LPIN3: variants seen among roughly 807,000 people sequenced by gnomAD.
LPIN3 encodes phosphatidate phosphatase LPIN3.
In LPIN3, 82 loss-of-function variants were observed where a neutral mutation model predicts 94.7. That is an observed-to-expected ratio of 0.87 (90% confidence interval 0.72 to 1.04). LPIN3 has a LOEUF of 1.04. LPIN3 is among the 50% of genes least tolerant of loss of function. The pLI, the probability that LPIN3 is intolerant of heterozygous loss-of-function variation, is 0.00. For synonymous variants in LPIN3, 418 were observed against 443.3 expected (o/e 0.94, Z 0.72); for missense variants, 996 against 1,090.5 (o/e 0.91, Z 1.22).
rs772156617 is a variant in LPIN3, at chr20:41,350,384, CT to C, written c.1090del (p.Ser364ProfsTer56). The C allele has an allele frequency of 6.4e-7, 1 of 1,568,870 alleles. No homozygotes were observed. The highest frequency in any genetic ancestry group is 8.7e-7 in the Non-Finnish European group (1 of 1,152,476). Reference sequence around the variant, plus strand: ...TTCCCACCGGGCAGCCAGAGAGGGTCTCCAGGGGGAAAGGTGAGTGACGCTG... The same window carrying C: ...TTCCCACCGGGCAGCCAGAGAGGGTCCCAGGGGGAAAGGTGAGTGACGCTG... ...PVPTGQPERV[S>X]RGKGSPKRSQ... is the part of the protein sequence containing the mutation. On this transcript the variant is annotated frameshift_variant, in exon 7 of 20. Coordinates refer to ENST00000373257, the MANE Select transcript of LPIN3 (RefSeq NM_022896.3). LOFTEE classifies it high-confidence loss of function.
rs377246516 is a variant in LPIN3, at chr20:41,347,558, A to G, written c.199A>G (p.Ile67Val). The G allele has an allele frequency of 3.8e-5, 62 of 1,613,822 alleles. No individual in the cohort carries two copies. The highest frequency in any genetic ancestry group is 5.1e-5 in the Non-Finnish European group (60 of 1,179,822). The change falls in exon 3 of 20, where the codon ATT (isoleucine) becomes GTT (valine). Residue 67 changes from isoleucine (I) to valine (V), a missense_variant. Ile to Val is a conservative substitution (Grantham distance 29, BLOSUM62 3). Transcript: ENST00000373257. ...VLRSREKVVD[I>V]ELNGEPVDLH... Reference sequence around the variant, plus strand: ...CACCGCTTTCCATTTGCAGGTAGACATTGAGCTCAATGGGGAGCCTGTGGA... The same window carrying G: ...CACCGCTTTCCATTTGCAGGTAGACGTTGAGCTCAATGGGGAGCCTGTGGA...
Position 41,358,746 on chromosome 20 carries a change from C to G in LPIN3, c.2436C>G (p.Val812=). 1 of 1,613,964 alleles carries G rather than the reference C, an allele frequency of 6.2e-7. No homozygotes were observed. Among genetic ancestry groups the G allele is most frequent in the South Asian group, 1.1e-5 (1 of 91,032 alleles). ...GGTATGAGCGGCTTGGTGAAGTGGT[C>G]GAGCTCCTCTTCCCACCTGTGGCCC... ...KSTYERLGEV[V]ELLFPPVARG... Residue 812 remains valine, a synonymous_variant, in exon 20 of 20, where the codon GTC becomes GTG. Coordinates refer to ENST00000373257, the MANE Select transcript of LPIN3 (RefSeq NM_022896.3).
Position 41,358,957 on chromosome 20 carries a change from G to A in LPIN3, c.*91G>A. 1 of 1,494,562 alleles carries A rather than the reference G, an allele frequency of 6.7e-7. No homozygotes were observed. The highest frequency in any genetic ancestry group is 9.0e-7 in the Non-Finnish European group (1 of 1,107,254). 92.6% of individuals were successfully genotyped at this position (1,494,562 alleles called of 1,614,324 possible). A position where few individuals can be genotyped will look rare whatever the true frequency, so the allele number is the denominator to read the frequency against. On this transcript the variant is annotated 3_prime_UTR_variant, in exon 20 of 20. Coordinates refer to ENST00000373257, the MANE Select transcript of LPIN3 (RefSeq NM_022896.3). ...GAGGGTGGGAATTGGAGTGTCATGG[G>A]GCAAACCCACTGAAGGGGAAGGAGG...
intron 9 of LPIN3, among the ~76,000 whole-genome samples, 192 bp from the exon 10 acceptor site, chr20:41,352,414 C>T (rs182096171): frequency 7.9e-5 from 12 of 152,214 alleles, no homozygotes; most frequent in East Asian, 1.9e-4. Context: ...AAATGCTTGA[C>T]GCTAAGTTGT....
At chr20:41,358,154 C>T (rs1436966518) in intron 17 of LPIN3, 83 bp from the exon 18 acceptor site, 3 of 1,570,482 alleles carry the variant, frequency 1.9e-6, no homozygotes, top group East Asian at 4.5e-5. Flanking sequence ...TGGGGTCAGA[C>T]CCCCCATCAC....
At position 41,351,916 on chromosome 20, in the gene LPIN3, C is replaced by A; in HGVS notation, c.1198C>A (p.Gln400Lys). The change falls in exon 8 of 20, where the codon CAA (glutamine) becomes AAA (lysine). Residue 400 changes from glutamine (Q) to lysine (K), a missense_variant. Transcript: ENST00000373257. The stretch of plus-strand genomic sequence containing the variant: ...TGAGAATGCAGCGCTTTACTTCCCC[C>A]AAAGGTGCCTGGGTTCTGGATGCCA... ...DSENAALYFP[Q>K]SDSGLGARRW... is the part of the protein sequence containing the mutation. The A allele has an allele frequency of 1.2e-6, 2 of 1,614,226 alleles. No homozygotes were observed.
At chr20:41,351,944 G>C (rs778389777) in intron 8 of LPIN3, 24 bp downstream of exon 8, 3 of 1,613,820 alleles carry the variant, frequency 1.9e-6, no homozygotes, top group Non-Finnish European at 1.7e-6. Context: ...GGATGCCAGG[G>C]TGTCTTGGGT....
intron 6 of LPIN3, 75 bp from the exon 7 acceptor site, chr20:41,349,980 G>A (rs771243761): frequency 4.4e-5 from 68 of 1,559,808 alleles, no homozygotes; most frequent in Non-Finnish European, 5.8e-5. Context: ...CTGAAACTCG[G>A]GCCACTGCCC....
chr20:41,350,567 G>A (rs2045971897), intron 7 of LPIN3, among the ~76,000 whole-genome samples, 170 bp downstream of exon 7: 1 of 152,202 alleles, frequency 6.6e-6, no homozygotes, highest in African/African-American at 2.4e-5. Context: ...TGCATGTGTG[G>A]AAGGGCGTGC....
rs758478082 is a variant in LPIN3, at chr20:41,354,853, G to A, written c.1654G>A (p.Glu552Lys). The change falls in exon 13 of 20, where the codon GAG becomes AAG. Residue 552 changes from glutamate (E) to lysine (K), a missense_variant. Coordinates refer to ENST00000373257, the MANE Select transcript of LPIN3 (RefSeq NM_022896.3). ...CCAGAAGGAGAAGACTGCAGCCAAG[G>A]AGCAGCAGGGGTGAGTGAGACCCCC... The part of the protein sequence containing the change: ...SAQKEKTAAK[E>K]QQGEKTEVLS... 4.5e-6 allele frequency: 7 copies of A among 1,569,112 alleles called. No individual in the cohort carries two copies. The South Asian group carries it at 6.9e-5, about 16-fold the overall frequency.
chr20:41,342,554 C>A (rs1207651611), intron 1 of LPIN3, among the ~76,000 whole-genome samples: 2 of 152,086 alleles, frequency 1.3e-5, no homozygotes, highest in East Asian at 3.9e-4. Context: ...TCTCCTCTGT[C>A]TGGAAAAGAA....
At chr20:41,357,214 G>A (rs747229465) in intron 15 of LPIN3, 26 bp downstream of exon 15, 4 of 1,613,048 alleles carry the variant, frequency 2.5e-6, no homozygotes, top group Non-Finnish European at 3.4e-6. Context: ...CTGTGGGAAG[G>A]GGAGGGAGAG....
At position 41,352,653 on chromosome 20, in the gene LPIN3, C is replaced by T; in HGVS notation, c.1411C>T (p.Pro471Ser). The part of the protein sequence containing the change: ...SVSYQDLTKN[P>S]GLLDDPNLVV... ...CTCTTACCAGGACCTCACCAAAAAC[C>T]CCGGACTTTTGGATGACCCAAACCT... Residue 471 changes from proline (P) to serine (S), a missense_variant, in exon 10 of 20, where the codon CCC becomes TCC. By Grantham distance (74) the Pro-to-Ser change is moderately conservative. Transcript: ENST00000373257. The T allele has an allele frequency of 6.2e-7, 1 of 1,614,170 alleles. No homozygotes were observed.
chr20:41,352,577 C>T (rs1028829209), intron 9 of LPIN3, 29 bp from the exon 10 acceptor site: 6 of 1,589,294 alleles, frequency 3.8e-6, no homozygotes, highest in Non-Finnish European at 5.2e-6. Context: ...ATGTGCCAGC[C>T]TCACCCCTCA....
chr20:41,346,985 C>T (rs2045802010), intron 2 of LPIN3, among the ~76,000 whole-genome samples: 1 of 152,282 alleles, frequency 6.6e-6, no homozygotes, highest in East Asian at 1.9e-4. Context: ...AGCTCACTTG[C>T]TGTGAGGCTG....
rs765987645 is a variant in LPIN3, at chr20:41,350,210, C to T, written c.915C>T (p.Ala305=). The change falls in exon 7 of 20, where the codon GCC becomes GCT. Residue 305 remains alanine (A), a synonymous_variant. Coordinates refer to ENST00000373257, the MANE Select transcript of LPIN3 (RefSeq NM_022896.3). ...GLPIQQTEAG[A]DLQPDTEDPT... ...CAATCCAGCAAACAGAGGCTGGTGC[C>T]GACCTTCAGCCTGACACAGAGGATC... The T allele has an allele frequency of 1.2e-5, 19 of 1,613,408 alleles. No individual in the cohort carries two copies. The highest frequency in any genetic ancestry group is 1.7e-5 in the Admixed American group (1 of 59,996).
In LPIN3 at chr20:41,358,312, C is replaced by G; in HGVS notation, c.2268C>G (p.His756Gln). The change falls in exon 18 of 20, where the codon CAC becomes CAG. Residue 756 changes from histidine to glutamine, a missense_variant. Transcript: ENST00000373257. ...ACATCCAGCAGCTGTTTCTGCCCCA[C>G]GGACAGCCCTTCTATGCTGCCTTTG... ...LSDIQQLFLP[H>Q]GQPFYAAFGN... 6.2e-7 allele frequency: 1 copy of G among 1,614,170 alleles called. No homozygotes were observed.
At chr20:41,346,067 C>A in intron 2 of LPIN3, 72 bp downstream of exon 2, 1 of 1,498,322 alleles carries the variant, frequency 6.7e-7, no homozygotes, top group Admixed American at 1.8e-5. Context: ...ACTACAGTCC[C>A]AGGACAGGAC....
Position 41,357,022 on chromosome 20 carries a change from C to G in LPIN3, c.1804-18C>G. On this transcript the variant is annotated intron_variant, in intron 14 of 19. Transcript: ENST00000373257. Reference sequence around the variant, plus strand: ...GGCTGTCATCAATCACGACACACCCCCCTTTGTCTGGCCTCAGCGGCGCCT... The same window carrying G: ...GGCTGTCATCAATCACGACACACCCGCCTTTGTCTGGCCTCAGCGGCGCCT... 1.2e-6 allele frequency: 2 copies of G among 1,606,656 alleles called. No individual in the cohort carries two copies. The highest frequency in any genetic ancestry group is 1.1e-5 in the South Asian group (1 of 90,820).
Sources: gnomAD v4.1 joint callset for allele counts (sites outside exome capture counted in the v4.1 genomes callset) on GRCh38, gnomAD v4.1.1 for gene constraint, MANE v1.5 for transcripts, NCBI Gene and HGNC (gene_info 2026-07-23, HGNC 2026-07-21) for gene names.